The following SPTLC3 variants were observed in gnomAD, a reference collection of about 807,000 sequenced individuals.
SPTLC3 encodes the protein serine palmitoyltransferase 3.
Under a neutral mutation model 59.3 loss-of-function variants are expected in SPTLC3, and 36 were observed. The observed-to-expected ratio is 0.61, with a 90% CI of 0.47 to 0.80. The LOEUF is 0.80. Among genes scored for constraint, SPTLC3 ranks in the 30% least tolerant of loss-of-function variants. The pLI, the probability that SPTLC3 is intolerant of heterozygous loss-of-function variation, is 0.00. For missense variants in SPTLC3, 625 were observed against 685.1 expected (o/e 0.91, Z 0.98); for synonymous variants, 257 against 240.8 (o/e 1.07, Z -0.62).
intron 1 of SPTLC3, among the ~76,000 whole-genome samples, chr20:13,043,177 G>A (rs1489262179): frequency 6.6e-6 from 1 of 152,168 alleles, no homozygotes; most frequent in Non-Finnish European, 1.5e-5. Context: ...TGATCATGAT[G>A]TGGAAAACCC....
chr20:13,159,870 C>A, intron 10 of SPTLC3, 133 bp from the exon 11 acceptor site: 1 of 1,235,570 alleles, frequency 8.1e-7, no homozygotes, highest in Non-Finnish European at 1.1e-6. Flanking sequence ...CTTCAATCAT[C>A]TTCCACTTAT....
At chr20:13,091,296 T>C in intron 5 of SPTLC3, 89 bp downstream of exon 5, 2 of 1,509,628 alleles carry the variant, frequency 1.3e-6, no homozygotes, top group Non-Finnish European at 1.8e-6. Context: ...ATGGCTGAGA[T>C]GGGCACGGTG....
chr20:13,067,487 T>A (rs1988267969), intron 2 of SPTLC3, among the ~76,000 whole-genome samples: 1 of 152,196 alleles, frequency 6.6e-6, no homozygotes, highest in Non-Finnish European at 1.5e-5. Flanking sequence ...TTTGTGATTC[T>A]TCTGCATTTC....
intron 2 of SPTLC3, among the ~76,000 whole-genome samples, chr20:13,053,354 AACAAAAAGGACGTCCAC>A (rs1387504986): frequency 6.6e-6 from 1 of 152,108 alleles, no homozygotes; most frequent in African/African-American, 2.4e-5. Context: ...CGTCAACATC[AACAAAAAGGACGTCCAC>A]ACAAAAACCC....
intron 9 of SPTLC3, among the ~76,000 whole-genome samples, chr20:13,136,606 T>TATAG: frequency 7.3e-6 from 1 of 136,588 alleles, no homozygotes. Context: ...TCTAAAAACA[T>TATAG]ATATATATAT....
intron 10 of SPTLC3, among the ~76,000 whole-genome samples, chr20:13,158,950 C>T (rs546922757): frequency 6.6e-6 from 1 of 152,198 alleles, no homozygotes; most frequent in Non-Finnish European, 1.5e-5. Context: ...AATACACCAG[C>T]AATCTCTTAA....
At chr20:13,143,322 G>T (rs1292364680) in intron 9 of SPTLC3, among the ~76,000 whole-genome samples, 2 of 152,102 alleles carry the variant, frequency 1.3e-5, no homozygotes, top group Non-Finnish European at 2.9e-5. Flanking sequence ...GTGAACCATA[G>T]AATTTTTCAA....
chr20:13,045,558 A>G (rs575748410), intron 1 of SPTLC3, among the ~76,000 whole-genome samples: 1 of 152,310 alleles, frequency 6.6e-6, no homozygotes, highest in Non-Finnish European at 1.5e-5. Flanking sequence ...TAAGGAGACC[A>G]ATACATTTCC....
rs1600421286 is a variant in SPTLC3, at chr20:13,165,109, C to T, written c.*242C>T. 1 of 445,470 alleles carries T rather than the reference C, an allele frequency of 2.2e-6. No individual in the cohort carries two copies. Among genetic ancestry groups the T allele is most frequent in the African/African-American group, 2.0e-5 (1 of 50,782 alleles). The allele number at this position is 445,470 out of a possible 1,614,324, so 27.6% of individuals were successfully genotyped here. A position where few individuals can be genotyped will look rare whatever the true frequency, so the allele number is the denominator to read the frequency against. On this transcript the variant is annotated 3_prime_UTR_variant, in exon 12 of 12. Coordinates refer to ENST00000399002, the MANE Select transcript of SPTLC3 (RefSeq NM_018327.4). ...GTATTCTACTAGAAATACACACACA[C>T]ACACACACACACTTCTGAGAATATT...
At chr20:13,095,153 A>G (rs889344787) in intron 6 of SPTLC3, among the ~76,000 whole-genome samples, 1 of 152,182 alleles carries the variant, frequency 6.6e-6, no homozygotes, top group Non-Finnish European at 1.5e-5. Flanking sequence ...GTGCCCTTTG[A>G]TTCTTCAGCA....
intron 9 of SPTLC3, among the ~76,000 whole-genome samples, chr20:13,142,449 A>T (rs997342020): frequency 2.0e-5 from 3 of 152,170 alleles, no homozygotes; most frequent in Non-Finnish European, 4.4e-5. Context: ...GTAAAGGGGA[A>T]CTGGTATTCC....
At chr20:13,071,575 A>T (rs1051073394) in intron 2 of SPTLC3, among the ~76,000 whole-genome samples, 1 of 152,238 alleles carries the variant, frequency 6.6e-6, no homozygotes, top group Non-Finnish European at 1.5e-5. Context: ...ATGTAAAATC[A>T]AATGAGCGCC....
intron 9 of SPTLC3, among the ~76,000 whole-genome samples, chr20:13,132,674 C>T (rs546122430): frequency 6.6e-6 from 1 of 152,288 alleles, no homozygotes; most frequent in African/African-American, 2.4e-5. Flanking sequence ...ATCCCTCTTA[C>T]CTCAGCAAAT....
At chr20:13,035,672 A>G (rs77916064) in intron 1 of SPTLC3, among the ~76,000 whole-genome samples, 7,926 of 152,314 alleles carry the variant, frequency 0.052, 246 homozygotes, top group South Asian at 0.082. Context: ...GTGTGCAAAT[A>G]GATTTATCAT....
chr20:13,048,001 T>C (rs773927234), intron 1 of SPTLC3, among the ~76,000 whole-genome samples: 1 of 152,180 alleles, frequency 6.6e-6, no homozygotes, highest in Non-Finnish European at 1.5e-5. Context: ...TCTCTATCTT[T>C]CCTACTACAA....
chr20:13,028,800 C>T lies in SPTLC3; in HGVS notation c.117+19416C>T, dbSNP rs148952860. Among the ~76,000 whole-genome samples, 516 of 152,280 alleles carry T rather than the reference C, an allele frequency of 3.4e-3. 5 individuals carry two copies. Among genetic ancestry groups the T allele is most frequent in the African/African-American group, 0.011 (453 of 41,574 alleles). ...TTCCTTTAAGGCTGAATTATTTATG[C>T]TTTGTTCTCTCACAAGAGTGTGATA... On this transcript the variant is annotated intron_variant, in intron 1 of 11. Coordinates refer to ENST00000399002, the MANE Select transcript of SPTLC3 (RefSeq NM_018327.4).
chr20:13,136,964 A>G (rs2038261800), intron 9 of SPTLC3, among the ~76,000 whole-genome samples: 1 of 152,122 alleles, frequency 6.6e-6, no homozygotes, highest in African/African-American at 2.4e-5. Context: ...CCATAGGAAG[A>G]AAAAGCTTAA....
chr20:13,126,757 T>C (rs1402541352), intron 9 of SPTLC3, 40 bp downstream of exon 9: 1 of 1,609,854 alleles, frequency 6.2e-7, no homozygotes, highest in Non-Finnish European at 8.5e-7. Context: ...TGGACCTCTC[T>C]GTCTCCCTTC....
chr20:13,099,156 G>T (rs761753690), intron 6 of SPTLC3, among the ~76,000 whole-genome samples: 1 of 152,144 alleles, frequency 6.6e-6, no homozygotes, highest in Non-Finnish European at 1.5e-5. Context: ...GCAATCATAG[G>T]GTTGTTAAAT....
Sources: gnomAD v4.1 joint callset for allele counts (sites outside exome capture counted in the v4.1 genomes callset) on GRCh38, gnomAD v4.1.1 for gene constraint, MANE v1.5 for transcripts, NCBI Gene and HGNC (gene_info 2026-07-23, HGNC 2026-07-21) for gene names.